Variants in ROBO2 observed in about 807,000 individuals in gnomAD.
The protein encoded by ROBO2 is roundabout homolog 2.
Under a neutral mutation model 160.8 loss-of-function variants are expected in ROBO2, and 53 were observed. The ratio of observed to expected loss-of-function variants is 0.33; its 90% confidence interval spans 0.26 to 0.41. The LOEUF is 0.41. Ranked by LOEUF, ROBO2 falls within the 10% of genes least tolerant of loss-of-function variation. The pLI is 1.00. For missense variants in ROBO2, 1,577 were observed against 1,722.4 expected (o/e 0.92, Z 1.49); for synonymous variants, 664 against 611.7 (o/e 1.09, Z -1.26).
At chr3:77,413,516 A>G (rs187526919) in intron 2 of ROBO2, among the ~76,000 whole-genome samples, 2 of 152,302 alleles carry the variant, frequency 1.3e-5, no homozygotes, top group Admixed American at 1.3e-4. Flanking sequence ...TTTGAAGAAG[A>G]ATCAACATGA....
At chr3:76,638,379 G>A (rs922590686) in intron 2 of ROBO2, among the ~76,000 whole-genome samples, 40 of 152,078 alleles carry the variant, frequency 2.6e-4, no homozygotes, top group Non-Finnish European at 5.0e-4. Flanking sequence ...GAAAGAATTG[G>A]TGGTCAATAA....
chr3:76,037,095 T>C (rs2067134238), intron 2 of ROBO2, among the ~76,000 whole-genome samples: 4 of 151,990 alleles, frequency 2.6e-5, no homozygotes. Flanking sequence ...ATCTCCATTG[T>C]ATATCAATAG....
At chr3:77,097,816 A>G (rs553916458) in intron 1 of ROBO2, among the ~76,000 whole-genome samples, 198 bp from the exon 2 acceptor site, 2 of 152,318 alleles carry the variant, frequency 1.3e-5, no homozygotes, top group South Asian at 4.2e-4. Context: ...CCTTTGAGTT[A>G]ACATATTAAT....
At chr3:76,687,499 A>AT (rs572280594) in intron 2 of ROBO2, among the ~76,000 whole-genome samples, 7 of 152,210 alleles carry the variant, frequency 4.6e-5, no homozygotes, top group Admixed American at 3.9e-4. Context: ...AAAAAGAAAG[A>AT]TTTTAAAAAA....
intron 2 of ROBO2, among the ~76,000 whole-genome samples, chr3:76,395,741 G>T (rs2077406220): frequency 6.6e-6 from 1 of 152,052 alleles, no homozygotes; most frequent in South Asian, 2.1e-4. Flanking sequence ...ATGAATTCCT[G>T]GACACATACA....
chr3:76,670,127 C>T (rs1419382467), intron 2 of ROBO2, among the ~76,000 whole-genome samples: 5 of 152,014 alleles, frequency 3.3e-5, no homozygotes, highest in Non-Finnish European at 7.4e-5. Context: ...ATGCAAAATA[C>T]CTTGTATAAT....
At chr3:77,365,977 T>C (rs529504326) in intron 2 of ROBO2, among the ~76,000 whole-genome samples, 1 of 152,264 alleles carries the variant, frequency 6.6e-6, no homozygotes, top group Admixed American at 6.5e-5. Flanking sequence ...AATGTTTTTT[T>C]CTCCATTTCT....
chr3:77,410,803 C>T (rs971508536), intron 2 of ROBO2, among the ~76,000 whole-genome samples: 30 of 148,906 alleles, frequency 2.0e-4, no homozygotes, highest in Non-Finnish European at 6.0e-5. Flanking sequence ...CCCTCCCTCT[C>T]CTCCTCCTTC....
At chr3:76,166,178 T>A (rs1030273772) in intron 2 of ROBO2, among the ~76,000 whole-genome samples, 1 of 152,176 alleles carries the variant, frequency 6.6e-6, no homozygotes, top group African/African-American at 2.4e-5. Flanking sequence ...AAGCACAATA[T>A]CTGCAAAGAG....
At chr3:77,360,968 A>G (rs2153467217) in intron 2 of ROBO2, among the ~76,000 whole-genome samples, 1 of 151,102 alleles carries the variant, frequency 6.6e-6, no homozygotes, top group East Asian at 1.9e-4. Context: ...TGATTTTCTT[A>G]TATTAAGATT....
intron 2 of ROBO2, among the ~76,000 whole-genome samples, chr3:76,233,904 G>A (rs1160344670): frequency 6.6e-6 from 1 of 152,146 alleles, no homozygotes; most frequent in Non-Finnish European, 1.5e-5. Flanking sequence ...TTGCTGTACA[G>A]ATTATTTTGT....
chr3:77,310,390 G>A (rs1232623089), intron 2 of ROBO2, among the ~76,000 whole-genome samples: 17 of 152,078 alleles, frequency 1.1e-4, no homozygotes, highest in Non-Finnish European at 7.4e-5. Flanking sequence ...GACCCATTTC[G>A]GGAGAAATGA....
chr3:76,897,953 A>G (rs796209079), intron 2 of ROBO2, among the ~76,000 whole-genome samples: 11 of 152,220 alleles, frequency 7.2e-5, no homozygotes, highest in African/African-American at 2.6e-4. Flanking sequence ...TGTAGTTGTT[A>G]TACATTTGTT....
In ROBO2 at chr3:77,631,826, T is replaced by A. The variant is rs181264851; in HGVS notation, c.3761-3044T>A. 2.6e-5 allele frequency: 4 copies of A among 152,192 alleles called. No homozygotes were observed. The East Asian group carries it at 7.7e-4, about 29-fold the overall frequency. The allele number at this position is 152,192 out of a possible 1,614,324, so 9.4% of individuals were successfully genotyped here. A position where few individuals can be genotyped will look rare whatever the true frequency, so the allele number is the denominator to read the frequency against. ...ATCAGTATTAAAGAGAAAACTGGAG[T>A]TCTTAAATAACTTAAAAGGCAAAGT... On this transcript the variant is annotated intron_variant, in intron 23 of 25. Coordinates refer to ENST00000461745, the Ensembl canonical transcript of ROBO2.
intron 2 of ROBO2, among the ~76,000 whole-genome samples, chr3:76,714,611 AGATAGTGACTAGGG>A (rs1300390058): frequency 6.6e-6 from 1 of 152,182 alleles, no homozygotes; most frequent in African/African-American, 2.4e-5. Context: ...TGACAGTGTT[AGATAGTGACTAGGG>A]GACCCCCATA....
chr3:77,168,505 C>T (rs80084841), intron 2 of ROBO2, among the ~76,000 whole-genome samples: 1,999 of 152,180 alleles, frequency 0.013, 66 homozygotes, highest in African/African-American at 0.045. Context: ...TTCCTTTACC[C>T]CAGAGACCCA....
At chr3:76,577,021 A>G (rs575433042) in intron 2 of ROBO2, among the ~76,000 whole-genome samples, 3 of 152,152 alleles carry the variant, frequency 2.0e-5, no homozygotes, top group East Asian at 3.9e-4. Flanking sequence ...ACTTCTTTGT[A>G]TCTATCTCAG....
At chr3:76,778,183 A>G (rs1279314256) in intron 2 of ROBO2, among the ~76,000 whole-genome samples, 4 of 151,116 alleles carry the variant, frequency 2.6e-5, no homozygotes, top group Admixed American at 6.6e-5. Flanking sequence ...ATTGGAGGCC[A>G]TATGTCCCTG....
intron 2 of ROBO2, among the ~76,000 whole-genome samples, chr3:76,389,218 G>A (rs1303493936): frequency 6.6e-6 from 1 of 152,204 alleles, no homozygotes; most frequent in Non-Finnish European, 1.5e-5. Context: ...CTTATTGACT[G>A]TGGTATTAGC....
Sources: gnomAD v4.1 joint callset for allele counts (sites outside exome capture counted in the v4.1 genomes callset) on GRCh38, gnomAD v4.1.1 for gene constraint, MANE v1.5 for transcripts, NCBI Gene and HGNC (gene_info 2026-07-23, HGNC 2026-07-21) for gene names.